The following SLC22A8 variants were observed in gnomAD, a reference collection of about 807,000 sequenced individuals.
The protein encoded by SLC22A8 is organic anion transporter 3.
A neutral mutation model predicts 48.4 loss-of-function variants in SLC22A8; 40 were observed. The observed-to-expected ratio is 0.83, with a 90% confidence interval of 0.64 to 1.08. SLC22A8 has a LOEUF of 1.08. Ranked by LOEUF, SLC22A8 falls within the 50% of genes least tolerant of loss-of-function variation. SLC22A8 has a pLI of 0.00. For synonymous variants in SLC22A8, 268 were observed against 286.3 expected, an observed-to-expected ratio of 0.94 and a Z score of 0.65; for missense variants, 606 against 699.0, an observed-to-expected ratio of 0.87 and a Z score of 1.50.
chr11:63,014,257 G>A (rs543956981), intron 2 of SLC22A8, among the ~76,000 whole-genome samples: 1 of 152,256 alleles, frequency 6.6e-6, no homozygotes, highest in African/African-American at 2.4e-5. Context: ...ATAGTGCAAG[G>A]TCACTTTGAA....
chr11:63,012,076 G>A lies in SLC22A8; in HGVS notation c.333+2550C>T, dbSNP rs376838093. On this transcript the variant is annotated intron_variant, in intron 2 of 10. Coordinates refer to ENST00000336232, the MANE Select transcript of SLC22A8 (RefSeq NM_004254.4). ...GTGATCTTGGCTCACTGCAACCTCC[G>A]CCTCCTAGGTTCAAGCAATTCTCCT... Among the ~76,000 whole-genome samples, 9 of 150,548 alleles carry A rather than the reference G, an allele frequency of 6.0e-5. No homozygotes were observed. In the East Asian group the frequency reaches 7.8e-4, roughly 13 times the overall value.
At chr11:63,003,692 G>C (rs2086523718) in intron 2 of SLC22A8, among the ~76,000 whole-genome samples, 1 of 152,134 alleles carries the variant, frequency 6.6e-6, no homozygotes, top group African/African-American at 2.4e-5. Context: ...TGTAGTTCTT[G>C]ACAATGGAAT....
At position 63,003,417 on chromosome 11, in the gene SLC22A8, C is replaced by T. The variant is rs575372976; in HGVS notation, c.334-2594G>A. Among the ~76,000 whole-genome samples the T allele has an allele frequency of 1.2e-4, 19 of 152,060 alleles. No individual in the cohort carries two copies. In the South Asian group the frequency reaches 2.7e-3, roughly 22 times the overall value. ...AGCATGGCCAGCAAGCCTGGTGGTC[C>T]GTTTTAGTTGGGAAGGGGGCCTGCA... On this transcript the variant is annotated intron_variant, in intron 2 of 10. Transcript: ENST00000336232.
In SLC22A8 at chr11:63,000,710, C is replaced by T; in HGVS notation, c.437+10G>A. 2 of 1,587,174 alleles carry T rather than the reference C, an allele frequency of 1.3e-6. No individual in the cohort carries two copies. The highest frequency in any genetic ancestry group is 1.7e-6 in the Non-Finnish European group (2 of 1,155,538). On this transcript the variant is annotated intron_variant, in intron 3 of 10. Transcript: ENST00000336232. ...GTCATGCTTCCATGGGCTGTGCCCCCATGTCTCACCTGTCAGACAGGTCTC... is the reference window on the plus strand; with the variant it reads ...GTCATGCTTCCATGGGCTGTGCCCCTATGTCTCACCTGTCAGACAGGTCTC...
chr11:63,009,264 G>A (rs1440208559), intron 2 of SLC22A8, among the ~76,000 whole-genome samples: 5 of 152,128 alleles, frequency 3.3e-5, no homozygotes, highest in African/African-American at 4.8e-5. Context: ...CCAGAGACCC[G>A]GCAGGGGACC....
intron 1 of SLC22A8, 141 bp from the exon 2 acceptor site, chr11:63,015,124 T>G: frequency 1.9e-6 from 1 of 531,274 alleles, no homozygotes; most frequent in Non-Finnish European, 3.2e-6. Flanking sequence ...TGTGTAAAGA[T>G]GTGGAAGCTC....
At chr11:63,010,139 C>A (rs921375747) in intron 2 of SLC22A8, among the ~76,000 whole-genome samples, 1 of 152,170 alleles carries the variant, frequency 6.6e-6, no homozygotes, top group Admixed American at 6.5e-5. Flanking sequence ...GTGTGCCAGG[C>A]CCTGGGCTCA....
chr11:63,000,853 A>C, intron 2 of SLC22A8, 30 bp from the exon 3 acceptor site: 5 of 1,554,472 alleles, frequency 3.2e-6, no homozygotes, highest in Non-Finnish European at 4.4e-6. Flanking sequence ...GGCTAGCCTA[A>C]CTCAGTGTAG....
At position 62,999,757 on chromosome 11, in the gene SLC22A8, T is replaced by C. The variant is rs201886442; in HGVS notation, c.523A>G (p.Ile175Val). 535 of 1,607,388 alleles carry C rather than the reference T, an allele frequency of 3.3e-4. 4 individuals are homozygous for C. In the East Asian group the frequency reaches 0.012, roughly 36 times the overall value. The stretch of plus-strand genomic sequence containing the variant: ...CACAGGAAGCGGAAGACCATGTAGA[T>C]GGGGAAGGTGGGGCTGAAGGCTGCA... Reference protein sequence around the residue: ...SGAAFSPTFPIYMVFRFLCGF... With the variant: ...SGAAFSPTFPVYMVFRFLCGF... Residue 175 changes from isoleucine (I) to valine (V), a missense_variant, in exon 4 of 11, where the codon ATC becomes GTC. Coordinates refer to ENST00000336232, the MANE Select transcript of SLC22A8 (RefSeq NM_004254.4).
chr11:63,000,356 C>T (rs188164738), intron 3 of SLC22A8, among the ~76,000 whole-genome samples: 8 of 152,144 alleles, frequency 5.3e-5, no homozygotes, highest in East Asian at 3.9e-4. Flanking sequence ...TGGTGACACA[C>T]GCCTGTAATC....
Position 62,993,441 on chromosome 11 carries a change from G to C in SLC22A8, c.1512C>G (p.Ile504Met), listed in dbSNP as rs765061214. The change falls in exon 10 of 11, where the codon ATC becomes ATG. Residue 504 changes from isoleucine (I) to methionine (M), a missense_variant. Coordinates refer to ENST00000336232, the MANE Select transcript of SLC22A8 (RefSeq NM_004254.4). The part of the protein sequence containing the change: ...ETLNQPLPET[I>M]EDLENWSLRA... The stretch of plus-strand genomic sequence containing the variant: ...TGACTGACCAGTTTTCCAGGTCTTC[G>C]ATAGTCTCTGGCAAGGGCTGATTCA... The C allele has an allele frequency of 6.2e-6, 10 of 1,614,036 alleles. No individual in the cohort carries two copies. Among genetic ancestry groups the C allele is most frequent in the East Asian group, 2.2e-5 (1 of 44,898 alleles).
Position 63,014,335 on chromosome 11 carries a change from C to T in SLC22A8, c.333+291G>A, listed in dbSNP as rs1421082240. The stretch of plus-strand genomic sequence containing the variant: ...GTGCTATCTCCACCGGGCTGTAGAC[C>T]CCCTGGGAGCAGGCATGGTGCATTT... On this transcript the variant is annotated intron_variant, in intron 2 of 10. Transcript: ENST00000336232. Among the ~76,000 whole-genome samples the T allele has an allele frequency of 2.6e-5, 4 of 152,118 alleles. No homozygotes were observed. In the East Asian group the frequency reaches 5.8e-4, roughly 22 times the overall value.
chr11:63,015,085 A>G (rs2086660055), intron 1 of SLC22A8, 102 bp from the exon 2 acceptor site: 1 of 713,366 alleles, frequency 1.4e-6, no homozygotes. Context: ...ATATGCGAGC[A>G]CAGGTGTGTG....
At chr11:63,001,161 C>T (rs773480896) in intron 2 of SLC22A8, among the ~76,000 whole-genome samples, 12 of 152,106 alleles carry the variant, frequency 7.9e-5, no homozygotes, top group Non-Finnish European at 1.5e-4. Flanking sequence ...ATAGCCCAGG[C>T]CAGTCCCTCT....
At chr11:63,009,898 G>T (rs931860745) in intron 2 of SLC22A8, among the ~76,000 whole-genome samples, 1 of 152,174 alleles carries the variant, frequency 6.6e-6, no homozygotes, top group Admixed American at 6.5e-5. Flanking sequence ...TGCTGACTGT[G>T]GGGGAGGAGC....
rs11568486 is a variant in SLC22A8, at chr11:62,993,611, C to T, written c.1342G>A (p.Val448Ile). 17,486 of 1,608,484 alleles carry T rather than the reference C, an allele frequency of 0.011. 117 individuals are homozygous for T. Among genetic ancestry groups the T allele is most frequent in the Non-Finnish European group, 0.012 (14,491 of 1,175,680 alleles). ...CCCACGCGGGTCCACAGGTTACTTA[C>T]GCCCATACCTGTTTGCCTGCGAGGG... is the stretch of plus-strand genomic sequence containing the variant. ...PTVIRQTGMG[V>I]SNLWTRVGSM... Residue 448 changes from valine (V) to isoleucine (I), a missense_variant, in exon 10 of 11, where the codon GTA becomes ATA. Val to Ile is a conservative substitution (Grantham distance 29, BLOSUM62 3). Transcript: ENST00000336232.
At chr11:63,009,254 C>T (rs1458595452) in intron 2 of SLC22A8, among the ~76,000 whole-genome samples, 2 of 152,068 alleles carry the variant, frequency 1.3e-5, no homozygotes, top group East Asian at 3.9e-4. Context: ...AGGCGGCTGA[C>T]CAGAGACCCG....
chr11:62,993,690 T>A, intron 9 of SLC22A8, 63 bp from the exon 10 acceptor site: 2 of 1,596,454 alleles, frequency 1.3e-6, no homozygotes, highest in Non-Finnish European at 1.7e-6. Context: ...ATGGCTCCCC[T>A]GGGTAGAGGA....
At chr11:63,001,133 C>T (rs2086489435) in intron 2 of SLC22A8, 3 of 378,824 alleles carry the variant, frequency 7.9e-6, no homozygotes, top group South Asian at 7.2e-5. Flanking sequence ...CCCTGTTTGC[C>T]TCCTCCCTGC....
Sources: allele counts gnomAD v4.1 joint callset (sites outside exome capture counted in the v4.1 genomes callset), GRCh38; gene constraint gnomAD v4.1.1; transcripts MANE v1.5; gene names NCBI Gene and HGNC (gene_info 2026-07-23, HGNC 2026-07-21).